CEP290: variants seen among roughly 807,000 people sequenced by gnomAD.
CEP290 encodes centrosomal protein 290, also known as centrosomal protein of 290 kDa.
CEP290 carries 317 observed loss-of-function variants against 344.9 expected under a neutral mutation model. That is an observed-to-expected ratio of 0.92 (90% confidence interval 0.84 to 1.01). The LOEUF (loss-of-function observed/expected upper bound fraction) is 1.01. CEP290 is among the 50% of genes least tolerant of loss of function. The pLI is 0.00. For synonymous variants in CEP290, 932 were observed against 895.8 expected, an observed-to-expected ratio of 1.04 and a Z score of -0.72; for missense variants, 2,754 against 2,761.4, an observed-to-expected ratio of 1.00 and a Z score of 0.06.
chr12:88,136,974 A>T (rs2040387202), intron 5 of CEP290, among the ~76,000 whole-genome samples, 188 bp from the exon 6 acceptor site: 2 of 152,052 alleles, frequency 1.3e-5, no homozygotes, highest in South Asian at 4.2e-4. Context: ...TTCACAGCTA[A>T]TAACTCCTTA....
chr12:88,059,821 G>A, intron 48 of CEP290, 77 bp downstream of exon 48: 1 of 1,212,006 alleles, frequency 8.3e-7, no homozygotes, highest in South Asian at 1.6e-5. Flanking sequence ...CTCTCATCAA[G>A]GATCTACTTC....
chr12:88,131,940 G>A (rs2040098513), intron 6 of CEP290, among the ~76,000 whole-genome samples: 1 of 152,162 alleles, frequency 6.6e-6, no homozygotes. Flanking sequence ...ATGGTTAAAA[G>A]AAGCAATCTA....
intron 49 of CEP290, among the ~76,000 whole-genome samples, 178 bp from the exon 50 acceptor site, chr12:88,055,895 T>C (rs1308648178): frequency 1.3e-5 from 2 of 152,166 alleles, no homozygotes; most frequent in African/African-American, 4.8e-5. Flanking sequence ...AGAGATAAGG[T>C]ATCCCTAATT....
chr12:88,119,774 A>T (rs2039290375), intron 15 of CEP290, among the ~76,000 whole-genome samples: 1 of 152,164 alleles, frequency 6.6e-6, no homozygotes, highest in African/African-American at 2.4e-5. Flanking sequence ...GCAAACAAAC[A>T]TGGGTAATAC....
At chr12:88,071,218 C>G in intron 43 of CEP290, 76 bp downstream of exon 43, 3 of 1,163,938 alleles carry the variant, frequency 2.6e-6, no homozygotes, top group Non-Finnish European at 3.7e-6. Flanking sequence ...AGACAACACA[C>G]ATTTATTATT....
At chr12:88,115,599 G>C in intron 18 of CEP290, 1 of 1,225,070 alleles carries the variant, frequency 8.2e-7, no homozygotes, top group Non-Finnish European at 1.1e-6. Context: ...AATTAGACAA[G>C]TCAATGAGTT....
In CEP290 at chr12:88,049,285, T is replaced by G; in HGVS notation, c.7339A>C (p.Lys2447Gln). The change falls in exon 54 of 54, where the codon AAA (lysine) becomes CAA (glutamine). Residue 2447 changes from lysine to glutamine, a missense_variant. Coordinates refer to ENST00000552810, the MANE Select transcript of CEP290 (RefSeq NM_025114.4). ...TCAACTCCCAATTGTTCTGAAAGTTTTTTTACCTTCTCTTCTAAGAGAATA... is the reference window on the plus strand; with the variant it reads ...TCAACTCCCAATTGTTCTGAAAGTTGTTTTACCTTCTCTTCTAAGAGAATA... ...KNILLEEKVK[K>Q]LSEQLGVELT... is the part of the protein sequence containing the mutation. The G allele has an allele frequency of 6.2e-7, 1 of 1,608,790 alleles. No individual in the cohort carries two copies. The highest frequency in any genetic ancestry group is 8.5e-7 in the Non-Finnish European group (1 of 1,177,166).
intron 20 of CEP290, 132 bp downstream of exon 20, chr12:88,114,288 C>T: frequency 1.5e-6 from 1 of 665,526 alleles, no homozygotes; most frequent in Non-Finnish European, 2.3e-6. Context: ...AGAAAAACTA[C>T]ACTTTACATA....
Position 88,049,279 on chromosome 12 carries a change from A to AAAGT in CEP290, c.7341_7344dup (p.Ser2449ThrfsTer8), listed in dbSNP as rs778907433. 2 of 1,609,978 alleles carry AAAGT rather than the reference A, an allele frequency of 1.2e-6. No homozygotes were observed. The highest frequency in any genetic ancestry group is 1.7e-6 in the Non-Finnish European group (2 of 1,178,270). On this transcript the variant is annotated frameshift_variant, in exon 54 of 54. Coordinates refer to ENST00000552810, the MANE Select transcript of CEP290 (RefSeq NM_025114.4). LOFTEE classifies it high-confidence loss of function. Reference sequence around the variant, plus strand: ...GTTAATTCAACTCCCAATTGTTCTGAAAGTTTTTTTACCTTCTCTTCTAAG... The same window carrying AAAGT: ...GTTAATTCAACTCCCAATTGTTCTGAAAGTAAGTTTTTTTACCTTCTCTTCTAAG...
rs771224749 is a variant in CEP290 at position 88,120,233 on chromosome 12, C to T, written c.1403G>A (p.Cys468Tyr). The part of the protein sequence containing the change: ...LEDAVVEIKN[C>Y]KNQIKIRDRE... Reference sequence around the variant, plus strand: ...ATCTCTTATTTTAATTTGGTTTTTACAATTCTTTATTTCAACGACAGCATC... The same window carrying T: ...ATCTCTTATTTTAATTTGGTTTTTATAATTCTTTATTTCAACGACAGCATC... Residue 468 changes from cysteine (C) to tyrosine (Y), a missense_variant, in exon 15 of 54, where the codon TGT becomes TAT. Transcript: ENST00000552810. The T allele has an allele frequency of 2.3e-5, 35 of 1,496,204 alleles. 1 individual carries two copies. Among genetic ancestry groups the T allele is most frequent in the South Asian group, 1.2e-4 (9 of 74,610 alleles). 92.7% of individuals were successfully genotyped at this position (1,496,204 alleles called of 1,614,324 possible).
chr12:88,103,047 T>TC (rs762156100), intron 25 of CEP290, 36 bp from the exon 26 acceptor site: 8 of 1,408,794 alleles, frequency 5.7e-6, no homozygotes, highest in Non-Finnish European at 7.4e-6. Flanking sequence ...TATGCTGGTG[T>TC]CTTTTTTTCT....
chr12:88,120,516 A>G (rs1425312034), intron 14 of CEP290, among the ~76,000 whole-genome samples: 2 of 152,146 alleles, frequency 1.3e-5, no homozygotes, highest in African/African-American at 4.8e-5. Context: ...CTGAATATGC[A>G]TTACATATAA....
intron 29 of CEP290, among the ~76,000 whole-genome samples, chr12:88,091,908 G>T (rs1340250164): frequency 6.6e-6 from 1 of 151,852 alleles, no homozygotes; most frequent in Non-Finnish European, 1.5e-5. Context: ...TTTTTGTTTT[G>T]TTTTTCTTTG....
intron 29 of CEP290, 79 bp from the exon 30 acceptor site, chr12:88,090,918 T>C (rs2036987706): frequency 6.4e-6 from 5 of 775,874 alleles, no homozygotes; most frequent in Non-Finnish European, 1.0e-5. Flanking sequence ...TTCTAGACCC[T>C]TTTTCAAAAA....
In CEP290 at chr12:88,080,197, C is replaced by T. The variant is rs747996508; in HGVS notation, c.5211G>A (p.Lys1737=). The part of the protein sequence containing the change: ...VERLKSQLAL[K]EKQQKALSRA... ...TGTTACTTACTTTCTGTTGTTTCTC[C>T]TTCAAGGCTAATTGGCTCTTTAGCC... is the stretch of plus-strand genomic sequence containing the variant. Residue 1737 remains lysine, a synonymous_variant, in exon 38 of 54, where the codon AAG becomes AAA. Coordinates refer to ENST00000552810, the MANE Select transcript of CEP290 (RefSeq NM_025114.4). The T allele has an allele frequency of 5.0e-6, 8 of 1,604,944 alleles. No homozygotes were observed. The highest frequency in any genetic ancestry group is 1.7e-4 in the Middle Eastern group (1 of 6,056).
intron 23 of CEP290, among the ~76,000 whole-genome samples, chr12:88,108,170 G>A (rs373286046): frequency 6.6e-6 from 1 of 152,026 alleles, no homozygotes; most frequent in Middle Eastern, 3.2e-3. Context: ...CTACACATGA[G>A]CATTCCACAA....
At chr12:88,079,802 ACT>A (rs2036056841) in intron 38 of CEP290, among the ~76,000 whole-genome samples, 1 of 152,056 alleles carries the variant, frequency 6.6e-6, no homozygotes, top group Non-Finnish European at 1.5e-5. Flanking sequence ...TCATTATCAT[ACT>A]TCCCTCAATC....
intron 7 of CEP290, among the ~76,000 whole-genome samples, chr12:88,130,778 A>G (rs953188986): frequency 6.6e-6 from 1 of 152,142 alleles, no homozygotes; most frequent in Non-Finnish European, 1.5e-5. Flanking sequence ...TAAACAATGT[A>G]CAAACATTAT....
At chr12:88,103,457 A>C (rs1238229787) in intron 25 of CEP290, 1 of 152,742 alleles carries the variant, frequency 6.5e-6, no homozygotes, top group Non-Finnish European at 1.5e-5. Flanking sequence ...TTTAATAACA[A>C]GAAAACTTTT....
Sources: allele counts gnomAD v4.1 joint callset (sites outside exome capture counted in the v4.1 genomes callset), GRCh38; gene constraint gnomAD v4.1.1; transcripts MANE v1.5; gene names NCBI Gene and HGNC (gene_info 2026-07-23, HGNC 2026-07-21).